The following SMYD3 variants were observed in gnomAD, a reference collection of about 807,000 sequenced individuals.
SMYD3 encodes the protein histone-lysine N-methyltransferase SMYD3.
SMYD3 carries 36 observed loss-of-function variants against 57.7 expected under a neutral mutation model. The observed-to-expected ratio is 0.62, with a 90% confidence interval of 0.48 to 0.82. The LOEUF is 0.82. Among genes scored for constraint, SMYD3 ranks in the 40% least tolerant of loss-of-function variants. The pLI, the probability that SMYD3 is intolerant of heterozygous loss-of-function variation, is 0.00. For synonymous variants in SMYD3, 211 were observed against 195.0 expected, an observed-to-expected ratio of 1.08 and a Z score of -0.68; for missense variants, 515 against 538.8, an observed-to-expected ratio of 0.96 and a Z score of 0.44.
chr1:246,192,504 C>T (rs12746833), intron 5 of SMYD3, among the ~76,000 whole-genome samples: 64,468 of 152,030 alleles, frequency 0.42, 16,714 homozygotes, highest in Non-Finnish European at 0.57. Flanking sequence ...GATCCTCCTA[C>T]CTCAGCCTCC....
At chr1:245,799,507 A>C (rs915572865) in intron 10 of SMYD3, among the ~76,000 whole-genome samples, 2 of 152,262 alleles carry the variant, frequency 1.3e-5, no homozygotes, top group Non-Finnish European at 2.9e-5. Flanking sequence ...GAATGCGTGA[A>C]GTCTGAGATA....
intron 7 of SMYD3, among the ~76,000 whole-genome samples, chr1:245,927,661 T>C (rs1296431996): frequency 6.6e-6 from 1 of 152,132 alleles, no homozygotes; most frequent in African/African-American, 2.4e-5. Context: ...CCCTCTGTCA[T>C]ACACAAACTC....
At chr1:245,876,541 T>C (rs1034885189) in intron 8 of SMYD3, among the ~76,000 whole-genome samples, 1 of 152,266 alleles carries the variant, frequency 6.6e-6, no homozygotes, top group African/African-American at 2.4e-5. Context: ...TCTTTTTTCT[T>C]GTCTGCTCAA....
chr1:246,175,485 G>GA (rs1452446012), intron 5 of SMYD3, among the ~76,000 whole-genome samples: 6 of 152,256 alleles, frequency 3.9e-5, no homozygotes, highest in Non-Finnish European at 7.4e-5. Flanking sequence ...CTCCAGACTT[G>GA]AAAATCCCTC....
chr1:246,141,478 G>A (rs898019699), intron 5 of SMYD3, among the ~76,000 whole-genome samples: 5 of 152,016 alleles, frequency 3.3e-5, no homozygotes, highest in African/African-American at 4.8e-5. Context: ...TTGACAGATG[G>A]TGCATTCCTA....
Position 246,355,939 on chromosome 1 carries a change from A to G in SMYD3, c.165-845T>C, listed in dbSNP as rs1247050471. ...ACCACCTAAGAAACCTGAATAGGTA[A>G]CCAGGCGACCTTAGGGCAAGTTTGC... On this transcript the variant is annotated intron_variant, in intron 1 of 11. Transcript: ENST00000490107. This position sits in a 1 kb window ranked among gnomAD's most constrained non-coding sequence, Gnocchi z 5.0. 6.6e-6 allele frequency among the ~76,000 whole-genome samples: 1 copy of G among 152,198 alleles called. No individual in the cohort carries two copies. The highest frequency in any genetic ancestry group is 6.5e-5 in the Admixed American group (1 of 15,282).
At chr1:246,447,758 T>C (rs767135729) in intron 1 of SMYD3, among the ~76,000 whole-genome samples, 1 of 152,220 alleles carries the variant, frequency 6.6e-6, no homozygotes, top group Non-Finnish European at 1.5e-5. Flanking sequence ...CCATCTCCTC[T>C]GGGGAATTAA....
intron 8 of SMYD3, among the ~76,000 whole-genome samples, chr1:245,882,367 T>C (rs2052830440): frequency 1.3e-5 from 2 of 152,162 alleles, no homozygotes; most frequent in Non-Finnish European, 2.9e-5. Flanking sequence ...AAATCCCCCA[T>C]ATATCTTATG....
At chr1:246,354,426 CCTA>C (rs1175254725) in intron 2 of SMYD3, among the ~76,000 whole-genome samples, 1 of 152,090 alleles carries the variant, frequency 6.6e-6, no homozygotes, top group African/African-American at 2.4e-5. Context: ...AAGAATTTAT[CCTA>C]CTAATAATTT....
intron 5 of SMYD3, among the ~76,000 whole-genome samples, chr1:246,234,260 G>C (rs1482056022): frequency 6.6e-6 from 1 of 151,298 alleles, no homozygotes; most frequent in African/African-American, 2.4e-5. Context: ...ACACAGAGGA[G>C]AAGCACTCCT....
chr1:246,226,140 G>A (rs12133862), intron 5 of SMYD3, among the ~76,000 whole-genome samples: 12,915 of 152,148 alleles, frequency 0.085, 733 homozygotes, highest in East Asian at 0.21. Flanking sequence ...CGAACTCAAA[G>A]TGTAGCATTT....
At chr1:245,756,013 CTT>C (rs1361141335) in intron 11 of SMYD3, among the ~76,000 whole-genome samples, 3 of 150,000 alleles carry the variant, frequency 2.0e-5, no homozygotes. Context: ...GTGGGTTAAA[CTT>C]TTTTTTAGAA....
intron 5 of SMYD3, among the ~76,000 whole-genome samples, chr1:246,199,242 C>T (rs2062872790): frequency 6.6e-6 from 1 of 152,118 alleles, no homozygotes; most frequent in Admixed American, 6.5e-5. Context: ...TGGGATTGTG[C>T]CTCAGGCTAT....
At chr1:246,169,475 T>C (rs922558933) in intron 5 of SMYD3, among the ~76,000 whole-genome samples, 1 of 151,308 alleles carries the variant, frequency 6.6e-6, no homozygotes, top group African/African-American at 2.4e-5. Context: ...ATAATGTTCC[T>C]GGAGTAGCAA....
chr1:246,305,176 C>A (rs926065685), intron 5 of SMYD3, among the ~76,000 whole-genome samples: 1 of 152,146 alleles, frequency 6.6e-6, no homozygotes, highest in African/African-American at 2.4e-5. Context: ...CGAAAGGGTT[C>A]GGAGCACTCA....
At chr1:246,176,935 T>C (rs2062444924) in intron 5 of SMYD3, among the ~76,000 whole-genome samples, 1 of 152,168 alleles carries the variant, frequency 6.6e-6, no homozygotes, top group Admixed American at 6.6e-5. Flanking sequence ...AAACATAATG[T>C]CTGAATCCCC....
In SMYD3 at chr1:245,947,276, A is replaced by C. The variant is rs1203942729; in HGVS notation, c.532-17339T>G. Reference sequence around the variant, plus strand: ...TCGGCTACAAAAGAGCAAGTAGCTAAAGGAAGAAACAGAAAATGAAGCCTT... The same window carrying C: ...TCGGCTACAAAAGAGCAAGTAGCTACAGGAAGAAACAGAAAATGAAGCCTT... On this transcript the variant is annotated intron_variant, in intron 5 of 11. Transcript: ENST00000490107. The C allele has an allele frequency of 6.9e-6, 3 of 433,650 alleles. No individual in the cohort carries two copies. The East Asian group carries it at 2.2e-4, about 32-fold the overall frequency. 26.9% of individuals were successfully genotyped at this position (433,650 alleles called of 1,614,324 possible). A position where few individuals can be genotyped will look rare whatever the true frequency, so the allele number is the denominator to read the frequency against.
At chr1:245,803,908 T>C (rs1480911829) in intron 10 of SMYD3, among the ~76,000 whole-genome samples, 1 of 113,910 alleles carries the variant, frequency 8.8e-6, no homozygotes, top group African/African-American at 3.0e-5. Flanking sequence ...GTTACGTAAG[T>C]CAGTATTTTT....
chr1:245,903,632 C>T (rs1172634533), intron 8 of SMYD3, among the ~76,000 whole-genome samples: 1 of 152,214 alleles, frequency 6.6e-6, no homozygotes, highest in Non-Finnish European at 1.5e-5. Flanking sequence ...CCCTGACCCC[C>T]AGCAGTGGTG....
Sources: gnomAD v4.1 joint callset for allele counts (sites outside exome capture counted in the v4.1 genomes callset) on GRCh38, gnomAD v4.1.1 for gene constraint, Gnocchi (gnomAD v3.1) non-coding constraint, MANE v1.5 for transcripts, NCBI Gene and HGNC (gene_info 2026-07-23, HGNC 2026-07-21) for gene names.